The following CDYL variants were observed in gnomAD, a reference collection of about 807,000 sequenced individuals.
CDYL encodes chromodomain Y like.
Under a neutral mutation model 47.3 loss-of-function variants are expected in CDYL, and 8 were observed. The observed-to-expected ratio is 0.17, with a 90% CI of 0.10 to 0.31. The LOEUF (loss-of-function observed/expected upper bound fraction) is 0.31, where lower values mean the gene tolerates loss of function less well. Among genes scored for constraint, CDYL ranks in the 10% least tolerant of loss-of-function variants. The pLI is 1.00. For synonymous variants in CDYL, 266 were observed against 265.0 expected (o/e 1.00, Z -0.04); for missense variants, 471 against 701.4 (o/e 0.67, Z 3.71).
chr6:4,946,959 G>A (rs1488041890), intron 5 of CDYL, among the ~76,000 whole-genome samples: 1 of 152,172 alleles, frequency 6.6e-6, no homozygotes, highest in Non-Finnish European at 1.5e-5. Flanking sequence ...CAGCAGCCAG[G>A]TCAGACCATC....
In CDYL at chr6:4,717,703, C is replaced by CAAAAAAAA. The variant is rs200835710; in HGVS notation, c.103+1852_103+1859dup. Among the ~76,000 whole-genome samples the CAAAAAAAA allele has an allele frequency of 8.1e-4, 40 of 49,336 alleles. 1 individual carries two copies. Among genetic ancestry groups the CAAAAAAAA allele is most frequent in the African/African-American group, 2.9e-3 (31 of 10,718 alleles). The allele number at this position is 49,336 out of a possible 152,430, so 32.4% of individuals were successfully genotyped here. A position where few individuals can be genotyped will look rare whatever the true frequency, so the allele number is the denominator to read the frequency against. ...TTAGGCAACAGAACAAAGACCCTCA[C>CAAAAAAAA]AAAAAAAAAAAAAAAAAAAAAAAAA... On this transcript the variant is annotated intron_variant, in intron 2 of 8. Coordinates refer to the CDYL transcript ENST00000328908.
At chr6:4,907,283 A>C (rs1757267951) in intron 2 of CDYL, among the ~76,000 whole-genome samples, 1 of 152,212 alleles carries the variant, frequency 6.6e-6, no homozygotes, top group Non-Finnish European at 1.5e-5. Flanking sequence ...CATTTCCATG[A>C]GTTATGGAAG....
intron 1 of CDYL, among the ~76,000 whole-genome samples, chr6:4,709,025 TA>T (rs960748297): frequency 6.6e-6 from 1 of 151,828 alleles, no homozygotes; most frequent in Non-Finnish European, 1.5e-5. Context: ...TAAAATAAAA[TA>T]AAATAAAATA....
chr6:4,824,498 T>C (rs1021305265), intron 1 of CDYL, among the ~76,000 whole-genome samples: 3 of 152,252 alleles, frequency 2.0e-5, no homozygotes, highest in Admixed American at 6.5e-5. Flanking sequence ...TCACTTGATA[T>C]GCTTATTAGC....
intron 1 of CDYL, among the ~76,000 whole-genome samples, chr6:4,829,891 A>G (rs778662854): frequency 6.6e-6 from 1 of 152,264 alleles, no homozygotes; most frequent in Non-Finnish European, 1.5e-5. Flanking sequence ...CCAGGGAGGC[A>G]CAGCAAGTAC....
At chr6:4,935,881 G>A in intron 3 of CDYL, 110 bp downstream of exon 3, 1 of 1,511,440 alleles carries the variant, frequency 6.6e-7, no homozygotes, top group Non-Finnish European at 8.9e-7. Flanking sequence ...CTCCTTTTGG[G>A]CCATCTCCCG....
intron 2 of CDYL, among the ~76,000 whole-genome samples, chr6:4,909,941 C>G (rs940604357): frequency 2.0e-5 from 3 of 152,060 alleles, no homozygotes; most frequent in African/African-American, 7.2e-5. Flanking sequence ...TACTGGGCTT[C>G]CAATATGCTA....
At chr6:4,948,763 C>T (rs750788136) in intron 5 of CDYL, among the ~76,000 whole-genome samples, 1 of 152,194 alleles carries the variant, frequency 6.6e-6, no homozygotes, top group Non-Finnish European at 1.5e-5. Context: ...AACTCAAGAG[C>T]GAAGAGCCTG....
chr6:4,732,825 G>C (rs528364095), intron 2 of CDYL, among the ~76,000 whole-genome samples: 1 of 152,078 alleles, frequency 6.6e-6, no homozygotes, highest in East Asian at 1.9e-4. Context: ...AAAAGATAGC[G>C]GCCTGGAAGA....
rs778741223 is a variant in CDYL at position 4,892,249 on chromosome 6, C to T, written c.561C>T (p.Val187=). 14 of 1,614,060 alleles carry T rather than the reference C, an allele frequency of 8.7e-6. No homozygotes were observed. The highest frequency in any genetic ancestry group is 2.2e-5 in the South Asian group (2 of 91,078). Residue 187 remains valine (V), a synonymous_variant, in exon 2 of 7, where the codon GTC becomes GTT. Coordinates refer to ENST00000397588, the MANE Select transcript of CDYL (RefSeq NM_004824.4). ...CCGAAGTGGCAGCGGAAAAGCCGGTCGGAGCTTTATTGGGCCCCGGTGCCG... is the reference window on the plus strand; with the variant it reads ...CCGAAGTGGCAGCGGAAAAGCCGGTTGGAGCTTTATTGGGCCCCGGTGCCG... The part of the protein sequence containing the change: ...VAPEVAAEKP[V]GALLGPGAER...
rs540136977 is a variant in CDYL at position 4,735,426 on chromosome 6, T to TA, written c.186+590dup. Among the ~76,000 whole-genome samples the TA allele has an allele frequency of 1.2e-3, 179 of 152,138 alleles. 1 individual carries two copies. The highest frequency in any genetic ancestry group is 4.2e-3 in the African/African-American group (173 of 41,524). ...GTACTCTAGTAATAATGCTTCTTTT[T>TA]AAAAAAAATCACTTTATTAGGATAT... is the stretch of plus-strand genomic sequence containing the variant. On this transcript the variant is annotated intron_variant, in intron 3 of 8. Coordinates refer to the CDYL transcript ENST00000328908.
Position 4,892,409 on chromosome 6 carries a change from G to A in CDYL, c.691+30G>A, listed in dbSNP as rs9504285. Reference sequence around the variant, plus strand: ...GTGTCTAGGGAGCTGCTCAGGCTCCGTGGTGATCCCAGAGGGCTCGGGTCC... The same window carrying A: ...GTGTCTAGGGAGCTGCTCAGGCTCCATGGTGATCCCAGAGGGCTCGGGTCC... On this transcript the variant is annotated intron_variant, in intron 2 of 6. Coordinates refer to ENST00000397588, the MANE Select transcript of CDYL (RefSeq NM_004824.4). 1.8e-4 allele frequency: 288 copies of A among 1,563,034 alleles called. No homozygotes were observed. In the African/African-American group the frequency reaches 3.3e-3, roughly 18 times the overall value.
chr6:4,917,433 G>A (rs983318977), intron 2 of CDYL, among the ~76,000 whole-genome samples: 2 of 152,138 alleles, frequency 1.3e-5, no homozygotes, highest in African/African-American at 4.8e-5. Context: ...TAGACTTTGA[G>A]TAGCTTTGCC....
At chr6:4,842,183 T>A (rs972781711) in intron 1 of CDYL, among the ~76,000 whole-genome samples, 2 of 143,822 alleles carry the variant, frequency 1.4e-5, no homozygotes, top group Admixed American at 1.4e-4. Flanking sequence ...TATAATAAAT[T>A]ATTAATATAA....
At chr6:4,799,407 G>C (rs1581173983) in intron 1 of CDYL, among the ~76,000 whole-genome samples, 1 of 152,012 alleles carries the variant, frequency 6.6e-6, no homozygotes, top group Non-Finnish European at 1.5e-5. Context: ...ATAAATACCA[G>C]CTAAACTACA....
At chr6:4,807,786 T>C (rs547684732) in intron 1 of CDYL, among the ~76,000 whole-genome samples, 3 of 151,758 alleles carry the variant, frequency 2.0e-5, no homozygotes, top group Non-Finnish European at 4.4e-5. Context: ...AATTTTTTTC[T>C]GTAGAGATAG....
intron 2 of CDYL, among the ~76,000 whole-genome samples, chr6:4,717,144 C>A (rs780173920): frequency 1.3e-5 from 2 of 152,058 alleles, no homozygotes; most frequent in South Asian, 2.1e-4. Context: ...AAGAGGTTGT[C>A]GTGGCTGGAG....
chr6:4,832,288 A>G (rs189127979), intron 1 of CDYL, among the ~76,000 whole-genome samples: 2,028 of 152,148 alleles, frequency 0.013, 51 homozygotes, highest in African/African-American at 0.047. Flanking sequence ...AGCATGAAGC[A>G]TTGTTGAGTT....
chr6:4,936,487 G>A (rs1460454112), intron 3 of CDYL, among the ~76,000 whole-genome samples: 4 of 152,210 alleles, frequency 2.6e-5, no homozygotes, highest in African/African-American at 9.6e-5. Context: ...GAAAGTCTGT[G>A]TGTTCGCCCG....
Sources: gnomAD v4.1 joint callset for allele counts (sites outside exome capture counted in the v4.1 genomes callset) on GRCh38, gnomAD v4.1.1 for gene constraint, MANE v1.5 for transcripts, NCBI Gene and HGNC (gene_info 2026-07-23, HGNC 2026-07-21) for gene names.